The following NRXN3 variants were observed in gnomAD, a reference collection of about 807,000 sequenced individuals.
The protein encoded by NRXN3 is neurexin 3, also known as neurexin III.
A neutral mutation model predicts 137.6 loss-of-function variants in NRXN3; 32 were observed. The observed-to-expected ratio is 0.23, with a 90% CI of 0.18 to 0.31. The LOEUF is 0.31. NRXN3 is among the 10% of genes least tolerant of loss of function. NRXN3 has a pLI of 1.00. For missense variants in NRXN3, 1,574 were observed against 2,062.5 expected, an observed-to-expected ratio of 0.76 and a Z score of 4.59; for synonymous variants, 798 against 784.5, an observed-to-expected ratio of 1.02 and a Z score of -0.29.
At chr14:79,173,732 A>G (rs940948347) in intron 15 of NRXN3, among the ~76,000 whole-genome samples, 2 of 152,146 alleles carry the variant, frequency 1.3e-5, no homozygotes, top group African/African-American at 4.8e-5. Flanking sequence ...TAGGCAATCC[A>G]GACCTCATAC....
chr14:79,785,485 T>G (rs1603499516), intron 19 of NRXN3, among the ~76,000 whole-genome samples: 1 of 152,210 alleles, frequency 6.6e-6, no homozygotes, highest in Non-Finnish European at 1.5e-5. Flanking sequence ...CTGGACTATC[T>G]GCTCCCACCT....
chr14:79,000,147 T>A (rs2099538429), intron 15 of NRXN3, among the ~76,000 whole-genome samples: 1 of 152,182 alleles, frequency 6.6e-6, no homozygotes, highest in African/African-American at 2.4e-5. Flanking sequence ...ACTTCAGGCA[T>A]TATTTCCTGG....
chr14:78,539,906 G>C (rs1263380573), intron 4 of NRXN3, among the ~76,000 whole-genome samples: 1 of 152,220 alleles, frequency 6.6e-6, no homozygotes, highest in East Asian at 1.9e-4. Flanking sequence ...TTTCCATGTA[G>C]TTGAGTGGTT....
chr14:79,412,968 T>C (rs2095440906), intron 15 of NRXN3, among the ~76,000 whole-genome samples: 1 of 152,076 alleles, frequency 6.6e-6, no homozygotes, highest in Non-Finnish European at 1.5e-5. Context: ...AAATCAAATA[T>C]TGAAAGATGC....
chr14:78,471,212 T>C (rs2095259710), intron 4 of NRXN3, among the ~76,000 whole-genome samples: 1 of 152,050 alleles, frequency 6.6e-6, no homozygotes, highest in Non-Finnish European at 1.5e-5. Context: ...TTACATCTTA[T>C]AAACAAAATA....
At chr14:78,473,407 A>AC (rs1380162461) in intron 4 of NRXN3, among the ~76,000 whole-genome samples, 1 of 151,922 alleles carries the variant, frequency 6.6e-6, no homozygotes, top group Non-Finnish European at 1.5e-5. Context: ...GTCTCAAAAA[A>AC]AAAAAAAAAA....
At chr14:78,466,990 A>T (rs1374894940) in intron 4 of NRXN3, among the ~76,000 whole-genome samples, 2 of 152,224 alleles carry the variant, frequency 1.3e-5, no homozygotes, top group East Asian at 3.8e-4. Flanking sequence ...TGCACTTAAA[A>T]GTTAAAAAAA....
At chr14:79,839,895 A>G (rs950392915) in intron 20 of NRXN3, among the ~76,000 whole-genome samples, 1 of 152,230 alleles carries the variant, frequency 6.6e-6, no homozygotes, top group African/African-American at 2.4e-5. Flanking sequence ...CCTAACATCT[A>G]CATATTAGAA....
At chr14:79,393,799 G>T (rs2094932371) in intron 15 of NRXN3, among the ~76,000 whole-genome samples, 1 of 152,128 alleles carries the variant, frequency 6.6e-6, no homozygotes, top group Admixed American at 6.5e-5. Context: ...CTGGGTGACA[G>T]GGCGAGACTG....
At chr14:79,715,947 G>A (rs780061212) in intron 19 of NRXN3, among the ~76,000 whole-genome samples, 1 of 152,188 alleles carries the variant, frequency 6.6e-6, no homozygotes, top group East Asian at 1.9e-4. Context: ...TTTGGACTAC[G>A]CATTGATGCT....
intron 16 of NRXN3, among the ~76,000 whole-genome samples, chr14:79,606,988 G>A (rs1054210849): frequency 6.6e-6 from 1 of 152,166 alleles, no homozygotes; most frequent in Non-Finnish European, 1.5e-5. Context: ...TTAGAAACTG[G>A]GTAAATATTG....
intron 15 of NRXN3, among the ~76,000 whole-genome samples, chr14:79,065,438 T>C (rs1466676539): frequency 6.6e-6 from 1 of 152,074 alleles, no homozygotes; most frequent in South Asian, 2.1e-4. Context: ...ACTGAGTAAA[T>C]GCAGAAAGGG....
At chr14:78,887,546 T>A (rs2099147155) in intron 10 of NRXN3, among the ~76,000 whole-genome samples, 1 of 152,044 alleles carries the variant, frequency 6.6e-6, no homozygotes, top group Non-Finnish European at 1.5e-5. Flanking sequence ...TTTCCCCCAG[T>A]ATTCAAGAAC....
chr14:79,351,024 CAT>C (rs1218166482), intron 15 of NRXN3, among the ~76,000 whole-genome samples: 4 of 152,162 alleles, frequency 2.6e-5, no homozygotes, highest in Non-Finnish European at 5.9e-5. Context: ...CCCAGAGACA[CAT>C]AGCAGTATAT....
At chr14:79,558,310 A>G (rs1482471209) in intron 16 of NRXN3, among the ~76,000 whole-genome samples, 3 of 152,162 alleles carry the variant, frequency 2.0e-5, no homozygotes, top group African/African-American at 7.2e-5. Context: ...GAATATTTCA[A>G]TGTACTTCGT....
chr14:78,726,324 A>G (rs775587647), intron 8 of NRXN3, among the ~76,000 whole-genome samples: 2 of 151,952 alleles, frequency 1.3e-5, no homozygotes, highest in Non-Finnish European at 2.9e-5. Context: ...ATTTCTCCTA[A>G]TGCTGTCCCT....
intron 19 of NRXN3, among the ~76,000 whole-genome samples, chr14:79,745,799 G>T (rs1213005088): frequency 6.6e-6 from 1 of 152,066 alleles, no homozygotes; most frequent in Non-Finnish European, 1.5e-5. Flanking sequence ...CCTAGTGTCT[G>T]GTGGTTTGCC....
rs538418642 is a variant in NRXN3 at position 78,243,012 on chromosome 14, A to C, written c.-82A>C. 7.9e-6 allele frequency: 8 copies of C among 1,015,710 alleles called. No homozygotes were observed. The highest frequency in any genetic ancestry group is 4.9e-5 in the African/African-American group (3 of 61,172). The allele number at this position is 1,015,710 out of a possible 1,614,324, so 62.9% of individuals were successfully genotyped here. On this transcript the variant is annotated 5_prime_UTR_variant, in exon 2 of 21. Coordinates refer to ENST00000335750, the MANE Select transcript of NRXN3 (RefSeq NM_001330195.2). This position sits in a 1 kb window ranked among gnomAD's most constrained non-coding sequence, Gnocchi z 4.2. Reference sequence around the variant, plus strand: ...CCCCCATCTCTGTCTTGTCTTTCCCACTTCTATTGCCAAAGGGAGAGATCC... The same window carrying C: ...CCCCCATCTCTGTCTTGTCTTTCCCCCTTCTATTGCCAAAGGGAGAGATCC...
At chr14:79,517,211 T>A (rs570145153) in intron 16 of NRXN3, among the ~76,000 whole-genome samples, 10 of 152,110 alleles carry the variant, frequency 6.6e-5, no homozygotes, top group Non-Finnish European at 1.2e-4. Context: ...GTAGTTTTAT[T>A]TTCTTTTTCT....
Sources: gnomAD v4.1 joint callset for allele counts (sites outside exome capture counted in the v4.1 genomes callset) on GRCh38, gnomAD v4.1.1 for gene constraint, Gnocchi (gnomAD v3.1) non-coding constraint, MANE v1.5 for transcripts, NCBI Gene and HGNC (gene_info 2026-07-23, HGNC 2026-07-21) for gene names.